The following ATAD2B variants were observed in gnomAD, a reference collection of about 807,000 sequenced individuals.
The protein encoded by ATAD2B is ATPase family AAA domain-containing protein 2B.
ATAD2B carries 40 observed loss-of-function variants against 167.6 expected under a neutral mutation model. That is an observed-to-expected ratio of 0.24 (90% confidence interval 0.19 to 0.31). The LOEUF is 0.31. Among genes scored for constraint, ATAD2B ranks in the 10% least tolerant of loss-of-function variants. The pLI is 1.00. For missense variants in ATAD2B, 1,242 were observed against 1,757.2 expected, an observed-to-expected ratio of 0.71 and a Z score of 5.24; for synonymous variants, 579 against 596.5, an observed-to-expected ratio of 0.97 and a Z score of 0.43.
Position 23,838,706 on chromosome 2 carries a change from A to G in ATAD2B, c.1569-4628T>C, listed in dbSNP as rs1021911917. On this transcript the variant is annotated intron_variant, in intron 13 of 27. Coordinates refer to ENST00000238789, the MANE Select transcript of ATAD2B (RefSeq NM_017552.4). ...TTTTTTCCCACCAAAGAGATATCCAATTTTCCCAGCATTATTTATAGAAAA... is the reference window on the plus strand; with the variant it reads ...TTTTTTCCCACCAAAGAGATATCCAGTTTTCCCAGCATTATTTATAGAAAA... Among the ~76,000 whole-genome samples, 3 of 152,016 alleles carry G rather than the reference A, an allele frequency of 2.0e-5. No homozygotes were observed. In the East Asian group the frequency reaches 5.8e-4, roughly 29 times the overall value.
chr2:23,699,320 G>T, the ATAD2B span, among the ~76,000 whole-genome samples: 4 of 152,188 alleles, frequency 2.6e-5, no homozygotes, highest in African/African-American at 7.2e-5. Context: ...GGCACAGCAT[G>T]CCATGCCCAG....
chr2:23,805,775 C>T (rs1684274761), intron 18 of ATAD2B, among the ~76,000 whole-genome samples: 1 of 130,880 alleles, frequency 7.6e-6, no homozygotes, highest in African/African-American at 3.1e-5. Context: ...TCCACATCTC[C>T]AAATGGCATT....
At chr2:23,768,476 C>T (rs1677787210) in intron 22 of ATAD2B, among the ~76,000 whole-genome samples, 1 of 151,758 alleles carries the variant, frequency 6.6e-6, no homozygotes. Flanking sequence ...GAAGCTGAAG[C>T]AGCAGGATCG....
the ATAD2B span, among the ~76,000 whole-genome samples, chr2:23,720,653 C>G: frequency 2.6e-5 from 4 of 151,696 alleles, no homozygotes; most frequent in Admixed American, 2.6e-4. Context: ...CTGCCCAAAT[C>G]AGATCCGCCT....
At chr2:23,919,616 G>C (rs1033695899) in intron 1 of ATAD2B, among the ~76,000 whole-genome samples, 10 of 152,044 alleles carry the variant, frequency 6.6e-5, no homozygotes, top group African/African-American at 2.4e-4. Context: ...GCCGAGGCGG[G>C]CAAATCACCT....
intron 23 of ATAD2B, among the ~76,000 whole-genome samples, chr2:23,764,839 A>C (rs1419074040): frequency 1.3e-5 from 2 of 152,158 alleles, no homozygotes; most frequent in Non-Finnish European, 2.9e-5. Flanking sequence ...CTCTGTGTGC[A>C]ATACACCTCC....
intron 21 of ATAD2B, among the ~76,000 whole-genome samples, chr2:23,785,550 T>C (rs1470586404): frequency 6.6e-6 from 1 of 152,104 alleles, no homozygotes; most frequent in East Asian, 1.9e-4. Flanking sequence ...ACGGGATATG[T>C]TTTAACTTCA....
At chr2:23,704,104 A>G in the ATAD2B span, among the ~76,000 whole-genome samples, 2 of 152,144 alleles carry the variant, frequency 1.3e-5, no homozygotes, top group African/African-American at 2.4e-5. Context: ...GCAGAAATGA[A>G]CCATTTCCTG....
chr2:23,739,799 A>T, the ATAD2B span, among the ~76,000 whole-genome samples: 2 of 150,500 alleles, frequency 1.3e-5, no homozygotes, highest in African/African-American at 4.9e-5. Flanking sequence ...TTGATAGACC[A>T]CTAGCAAGAC....
the ATAD2B span, chr2:23,703,899 G>T: frequency 1.3e-6 from 2 of 1,513,870 alleles, no homozygotes; most frequent in Non-Finnish European, 8.8e-7. Flanking sequence ...GGGCTGGGAC[G>T]GAGGAGTGGG....
intron 16 of ATAD2B, among the ~76,000 whole-genome samples, chr2:23,820,406 T>G (rs1687261313): frequency 6.6e-6 from 1 of 152,146 alleles, no homozygotes; most frequent in Non-Finnish European, 1.5e-5. Context: ...ATACACTCAT[T>G]CATACAGCAT....
chr2:23,707,854 T>A, the ATAD2B span: 3 of 152,264 alleles, frequency 2.0e-5, no homozygotes, highest in African/African-American at 7.2e-5. Flanking sequence ...ACAGAACCAC[T>A]CTTCTTGTCA....
chr2:23,744,552 T>C (rs1674701433), downstream of ATAD2B, among the ~76,000 whole-genome samples: 1 of 152,200 alleles, frequency 6.6e-6, no homozygotes, highest in African/African-American at 2.4e-5. Flanking sequence ...TTTACATATA[T>C]TCACTCAAAT....
At chr2:23,809,501 G>GA (rs1041661471) in intron 18 of ATAD2B, among the ~76,000 whole-genome samples, 2 of 152,020 alleles carry the variant, frequency 1.3e-5, no homozygotes, top group Non-Finnish European at 2.9e-5. Flanking sequence ...ATGTAACTGG[G>GA]AAAAAAACAA....
chr2:23,752,396 A>G (rs1675449944), intron 27 of ATAD2B, among the ~76,000 whole-genome samples: 1 of 148,670 alleles, frequency 6.7e-6, no homozygotes, highest in Non-Finnish European at 1.5e-5. Context: ...GGATGATGAT[A>G]GCAACACTTA....
chr2:23,848,200 T>G (rs1416804769), intron 13 of ATAD2B, among the ~76,000 whole-genome samples: 2 of 152,102 alleles, frequency 1.3e-5, no homozygotes, highest in Non-Finnish European at 1.5e-5. Context: ...GTTTTTAAAG[T>G]TTTAAAAATA....
the ATAD2B span, chr2:23,691,972 T>G: frequency 8.0e-7 from 1 of 1,246,210 alleles, no homozygotes; most frequent in Non-Finnish European, 1.1e-6. Context: ...GGTCTGTGTG[T>G]GCACACCTGA....
chr2:23,745,422 A>AAGGAAGGAAGGAAGGG (rs1491261605), downstream of ATAD2B, among the ~76,000 whole-genome samples: 3 of 85,012 alleles, frequency 3.5e-5, no homozygotes, highest in East Asian at 3.0e-4. Context: ...GGAAGGAAGG[A>AAGGAAGGAAGGAAGGG]AAGGGAAGGG....
chr2:23,767,535 C>G (rs1229435125), intron 22 of ATAD2B, among the ~76,000 whole-genome samples: 1 of 152,082 alleles, frequency 6.6e-6, no homozygotes, highest in Non-Finnish European at 1.5e-5. Context: ...ACATAATAAG[C>G]AAGAGGCAAA....
Sources: gnomAD v4.1 joint callset for allele counts (sites outside exome capture counted in the v4.1 genomes callset) on GRCh38, gnomAD v4.1.1 for gene constraint, MANE v1.5 for transcripts, NCBI Gene and HGNC (gene_info 2026-07-23, HGNC 2026-07-21) for gene names.